ARHGAP15: variants seen among roughly 807,000 people sequenced by gnomAD.
ARHGAP15 encodes the protein Rho GTPase activating protein 15, also known as rho GTPase-activating protein 15.
Under a neutral mutation model 63.7 loss-of-function variants are expected in ARHGAP15, and 51 were observed. The observed-to-expected ratio is 0.80, with a 90% CI of 0.64 to 1.01. The LOEUF (loss-of-function observed/expected upper bound fraction) is 1.01. Among genes scored for constraint, ARHGAP15 ranks in the 50% least tolerant of loss-of-function variants. The probability of loss-of-function intolerance (pLI) is 0.00; values close to 1 mark genes in which losing one functional copy is unlikely to be tolerated. For synonymous variants in ARHGAP15, 191 were observed against 193.8 expected (o/e 0.99, Z 0.12); for missense variants, 560 against 564.6 (o/e 0.99, Z 0.08).
intron 6 of ARHGAP15, among the ~76,000 whole-genome samples, chr2:143,429,467 G>A (rs1463375799): frequency 6.6e-6 from 1 of 152,058 alleles, no homozygotes; most frequent in Non-Finnish European, 1.5e-5. Context: ...ATTTTGGAAT[G>A]TACTGGAGGT....
chr2:143,313,274 T>C (rs888574223), intron 6 of ARHGAP15, among the ~76,000 whole-genome samples: 1 of 152,288 alleles, frequency 6.6e-6, no homozygotes, highest in Non-Finnish European at 1.5e-5. Flanking sequence ...TGAAGTCCCA[T>C]GAAGACTGTT....
At chr2:143,545,735 A>G (rs1695301876) in intron 10 of ARHGAP15, among the ~76,000 whole-genome samples, 1 of 152,192 alleles carries the variant, frequency 6.6e-6, no homozygotes, top group Non-Finnish European at 1.5e-5. Flanking sequence ...ATAATTCGCT[A>G]CATCACAATT....
At chr2:143,581,349 C>T (rs112646260) in intron 11 of ARHGAP15, among the ~76,000 whole-genome samples, 10,141 of 152,158 alleles carry the variant, frequency 0.067, 435 homozygotes, top group Middle Eastern at 0.15. Flanking sequence ...GCCCACACTG[C>T]AGTCACATCT....
chr2:143,486,040 T>G (rs1301983938), intron 8 of ARHGAP15, among the ~76,000 whole-genome samples: 1 of 152,216 alleles, frequency 6.6e-6, no homozygotes, highest in African/African-American at 2.4e-5. Flanking sequence ...TGCTTTGTAG[T>G]CAAAGGCAGG....
chr2:143,571,056 C>CA (rs555335452), intron 11 of ARHGAP15, among the ~76,000 whole-genome samples: 72 of 152,270 alleles, frequency 4.7e-4, no homozygotes, highest in Non-Finnish European at 9.4e-4. Context: ...CATAGGAGTA[C>CA]AAACCCTATT....
chr2:143,311,916 G>A (rs1252760336), intron 6 of ARHGAP15, among the ~76,000 whole-genome samples: 1 of 152,072 alleles, frequency 6.6e-6, no homozygotes, highest in South Asian at 2.1e-4. Flanking sequence ...TGTTGGAATG[G>A]CAATGCGCCT....
intron 9 of ARHGAP15, among the ~76,000 whole-genome samples, chr2:143,516,517 A>G (rs1693827336): frequency 6.6e-6 from 1 of 152,050 alleles, no homozygotes; most frequent in African/African-American, 2.4e-5. Flanking sequence ...TTTTTTGTAT[A>G]TTCTTTGAAT....
chr2:143,719,635 A>G (rs1248395811), intron 13 of ARHGAP15, among the ~76,000 whole-genome samples: 1 of 152,142 alleles, frequency 6.6e-6, no homozygotes, highest in African/African-American at 2.4e-5. Flanking sequence ...AGGGAATTCC[A>G]TTCTCTCTCC....
At chr2:143,448,762 G>A (rs1690262263) in intron 8 of ARHGAP15, among the ~76,000 whole-genome samples, 1 of 151,648 alleles carries the variant, frequency 6.6e-6, no homozygotes. Flanking sequence ...TCACCTAGGA[G>A]CTTGTTAGTA....
intron 9 of ARHGAP15, among the ~76,000 whole-genome samples, chr2:143,508,551 A>T (rs1410905246): frequency 6.6e-6 from 1 of 152,224 alleles, no homozygotes; most frequent in African/African-American, 2.4e-5. Context: ...TAAATCCAAA[A>T]ATGCATAAAG....
intron 11 of ARHGAP15, among the ~76,000 whole-genome samples, chr2:143,605,340 G>A (rs557738553): frequency 3.3e-5 from 5 of 152,268 alleles, no homozygotes; most frequent in South Asian, 2.1e-4. Context: ...CCACCTCAGC[G>A]CCATAGCTGA....
intron 4 of ARHGAP15, among the ~76,000 whole-genome samples, chr2:143,217,026 T>A (rs1692783127): frequency 6.6e-6 from 1 of 152,168 alleles, no homozygotes; most frequent in Admixed American, 6.5e-5. Context: ...TTAGAAATAA[T>A]CACCTCCATT....
At chr2:143,594,576 G>C (rs1697441176) in intron 11 of ARHGAP15, among the ~76,000 whole-genome samples, 1 of 152,090 alleles carries the variant, frequency 6.6e-6, no homozygotes, top group Non-Finnish European at 1.5e-5. Context: ...AGTTTTCCTG[G>C]TCTTATAATT....
At chr2:143,392,826 A>G (rs1475767398) in intron 6 of ARHGAP15, among the ~76,000 whole-genome samples, 1 of 152,206 alleles carries the variant, frequency 6.6e-6, no homozygotes, top group East Asian at 1.9e-4. Context: ...AGTTTTCAAC[A>G]AAAGTCATTA....
chr2:143,657,297 A>G (rs568784560), intron 12 of ARHGAP15, among the ~76,000 whole-genome samples: 170 of 152,318 alleles, frequency 1.1e-3, no homozygotes, highest in Admixed American at 2.4e-3. Context: ...CAGTGAGCCG[A>G]GATCGCGCCA....
At chr2:143,452,779 T>C (rs895872712) in intron 8 of ARHGAP15, among the ~76,000 whole-genome samples, 2 of 151,682 alleles carry the variant, frequency 1.3e-5, no homozygotes, top group Non-Finnish European at 2.9e-5. Context: ...AAAGGTTCTG[T>C]CTGTGTTTAA....
intron 6 of ARHGAP15, among the ~76,000 whole-genome samples, chr2:143,279,458 G>A (rs1176467316): frequency 1.3e-5 from 2 of 152,066 alleles, no homozygotes; most frequent in African/African-American, 4.8e-5. Flanking sequence ...TGCAGAATGT[G>A]ACCCGGGCCT....
At chr2:143,473,576 C>T (rs1336345687) in intron 8 of ARHGAP15, among the ~76,000 whole-genome samples, 1 of 152,176 alleles carries the variant, frequency 6.6e-6, no homozygotes, top group Non-Finnish European at 1.5e-5. Flanking sequence ...GTGTCTTTCT[C>T]ACCATTCACA....
Position 143,155,502 on chromosome 2 carries a change from T to A in ARHGAP15, c.12T>A (p.Ser4=). 6.2e-7 allele frequency: 1 copy of A among 1,607,070 alleles called. No individual in the cohort carries two copies. The change falls in exon 2 of 14, where the codon TCT becomes TCA. Residue 4 remains serine, a synonymous_variant. Coordinates refer to ENST00000295095, the MANE Select transcript of ARHGAP15 (RefSeq NM_018460.4). MQK[S]TNSDTSVETL... is the part of the protein sequence containing the mutation. ...GATAGCACTATAATATGCAGAAATC[T>A]ACAAATTCTGATACTTCCGTGGAAA... is the stretch of plus-strand genomic sequence containing the variant.
Sources: gnomAD v4.1 joint callset for allele counts (sites outside exome capture counted in the v4.1 genomes callset) on GRCh38, gnomAD v4.1.1 for gene constraint, MANE v1.5 for transcripts, NCBI Gene and HGNC (gene_info 2026-07-23, HGNC 2026-07-21) for gene names.